Variants in LRRTM4 observed in about 807,000 individuals in gnomAD.
The protein encoded by LRRTM4 is leucine rich repeat transmembrane neuronal 4.
A neutral mutation model predicts 47.6 loss-of-function variants in LRRTM4; 25 were observed. The observed-to-expected ratio is 0.53, with a 90% CI of 0.38 to 0.73. The LOEUF is 0.73. Ranked by LOEUF, LRRTM4 falls within the 30% of genes least tolerant of loss-of-function variation. The probability of loss-of-function intolerance (pLI) is 0.00; values close to 1 mark genes in which losing one functional copy is unlikely to be tolerated. For synonymous variants in LRRTM4, 311 were observed against 269.5 expected, an observed-to-expected ratio of 1.15 and a Z score of -1.51; for missense variants, 638 against 713.4, an observed-to-expected ratio of 0.89 and a Z score of 1.20.
Position 77,039,716 on chromosome 2 carries a change from T to C in LRRTM4, c.1552-290800A>G, listed in dbSNP as rs140522654. 3.7e-3 allele frequency among the ~76,000 whole-genome samples: 561 copies of C among 151,420 alleles called. 3 individuals are homozygous for C. The highest frequency in any genetic ancestry group is 0.017 in the Middle Eastern group (5 of 292). On this transcript the variant is annotated intron_variant, in intron 3 of 3. Transcript: ENST00000409884. Reference sequence around the variant, plus strand: ...CAGATTAGATCCTTACATTAGAATGTTCCCTTTTTTCATGTTAGTCATTTC... The same window carrying C: ...CAGATTAGATCCTTACATTAGAATGCTCCCTTTTTTCATGTTAGTCATTTC...
intron 3 of LRRTM4, among the ~76,000 whole-genome samples, chr2:76,995,181 A>C (rs1185190327): frequency 6.6e-6 from 1 of 152,070 alleles, no homozygotes; most frequent in Non-Finnish European, 1.5e-5. Context: ...TTACGAATGG[A>C]AAGAGCTACC....
chr2:77,307,567 TATAGATATATCTATATA>T (rs1677319003), intron 3 of LRRTM4, among the ~76,000 whole-genome samples: 1 of 132,806 alleles, frequency 7.5e-6, no homozygotes, highest in Non-Finnish European at 1.6e-5. Flanking sequence ...AATATAAATA[TATAGATATATCTATATA>T]TTATAGAAAT....
chr2:77,073,272 C>T (rs1197029982), intron 3 of LRRTM4, among the ~76,000 whole-genome samples: 3 of 151,544 alleles, frequency 2.0e-5, no homozygotes, highest in Non-Finnish European at 4.4e-5. Flanking sequence ...TAAAATATTA[C>T]TTTAGAATTC....
intron 3 of LRRTM4, among the ~76,000 whole-genome samples, chr2:77,323,104 A>G (rs1670603369): frequency 1.3e-5 from 2 of 151,990 alleles, no homozygotes; most frequent in Admixed American, 1.3e-4. Context: ...TGATTATGAT[A>G]CACCTGGCTC....
intron 3 of LRRTM4, among the ~76,000 whole-genome samples, chr2:77,313,547 G>A (rs1000646705): frequency 3.9e-5 from 6 of 152,078 alleles, no homozygotes; most frequent in Admixed American, 6.5e-5. Context: ...GTGCTATGAC[G>A]TGCCTCCCTA....
At chr2:77,380,530 C>T (rs1261991894) in intron 3 of LRRTM4, among the ~76,000 whole-genome samples, 1 of 152,184 alleles carries the variant, frequency 6.6e-6, no homozygotes, top group Non-Finnish European at 1.5e-5. Context: ...GGTGTGGTGG[C>T]TCATGCCTGT....
At chr2:76,781,451 T>C (rs1289342881) in intron 3 of LRRTM4, among the ~76,000 whole-genome samples, 2 of 152,238 alleles carry the variant, frequency 1.3e-5, no homozygotes, top group Admixed American at 6.5e-5. Flanking sequence ...CATATAATCT[T>C]GTGGTGGGCC....
chr2:77,103,440 A>G (rs532000129), intron 3 of LRRTM4, among the ~76,000 whole-genome samples: 1 of 152,250 alleles, frequency 6.6e-6, no homozygotes, highest in South Asian at 2.1e-4. Flanking sequence ...CCATAGTGTG[A>G]AAAACAGCCA....
intron 3 of LRRTM4, among the ~76,000 whole-genome samples, chr2:76,888,969 A>T (rs1410798015): frequency 1.3e-5 from 2 of 151,902 alleles, no homozygotes; most frequent in Non-Finnish European, 3.0e-5. Context: ...ATATTTCAAC[A>T]AATAGCTTTG....
At chr2:76,864,612 A>G (rs1368547869) in intron 3 of LRRTM4, among the ~76,000 whole-genome samples, 1 of 150,290 alleles carries the variant, frequency 6.7e-6, no homozygotes, top group Non-Finnish European at 1.5e-5. Flanking sequence ...GTGAGCCGAG[A>G]TTGTGCCATT....
chr2:76,978,448 G>C (rs947136844), intron 3 of LRRTM4, among the ~76,000 whole-genome samples: 3 of 151,984 alleles, frequency 2.0e-5, no homozygotes, highest in African/African-American at 7.2e-5. Flanking sequence ...TTTTTACAAT[G>C]TTCTCCTTGC....
chr2:77,016,351 G>A (rs946348295), intron 3 of LRRTM4, among the ~76,000 whole-genome samples: 2 of 149,014 alleles, frequency 1.3e-5, no homozygotes, highest in African/African-American at 5.0e-5. Flanking sequence ...GCGCCACTGT[G>A]TCCAGCCTGG....
chr2:77,291,348 A>G (rs1676817153), intron 3 of LRRTM4, among the ~76,000 whole-genome samples: 1 of 152,096 alleles, frequency 6.6e-6, no homozygotes, highest in Non-Finnish European at 1.5e-5. Context: ...AAAGTGAGAA[A>G]TCAACAAAGA....
At chr2:77,384,223 G>T (rs1030620474) in intron 3 of LRRTM4, among the ~76,000 whole-genome samples, 2 of 146,516 alleles carry the variant, frequency 1.4e-5, no homozygotes, top group Admixed American at 1.4e-4. Flanking sequence ...GGTAGATAAA[G>T]TTTTTTTTTT....
intron 3 of LRRTM4, among the ~76,000 whole-genome samples, chr2:77,343,264 C>T (rs952788763): frequency 3.9e-5 from 6 of 151,904 alleles, no homozygotes; most frequent in African/African-American, 1.2e-4. Flanking sequence ...ACACATGCTA[C>T]AAAACAGTTC....
At chr2:77,092,613 C>T (rs1381834175) in intron 3 of LRRTM4, among the ~76,000 whole-genome samples, 2 of 146,110 alleles carry the variant, frequency 1.4e-5, no homozygotes, top group African/African-American at 2.7e-5. Context: ...CTTTACTCAA[C>T]ATGCCCCGAG....
chr2:77,030,096 A>C (rs1678600666), intron 3 of LRRTM4, among the ~76,000 whole-genome samples: 1 of 152,220 alleles, frequency 6.6e-6, no homozygotes, highest in Non-Finnish European at 1.5e-5. Context: ...ACTTTTACAC[A>C]AGTTCCAATT....
rs563144681 is a variant in LRRTM4 at position 76,748,605 on chromosome 2, G to C, written c.*90C>G. ...TTTAACAGGAACGATGAGCTTGCTC[G>C]ATTGCGCGATTGTGGACACCCATTC... On this transcript the variant is annotated 3_prime_UTR_variant, in exon 4 of 4. Coordinates refer to ENST00000409884, the MANE Select transcript of LRRTM4 (RefSeq NM_001134745.3). 7 of 1,008,130 alleles carry C rather than the reference G, an allele frequency of 6.9e-6. No individual in the cohort carries two copies. The East Asian group carries it at 1.7e-4, about 24-fold the overall frequency. The allele number at this position is 1,008,130 out of a possible 1,614,324, so 62.4% of individuals were successfully genotyped here.
intron 3 of LRRTM4, among the ~76,000 whole-genome samples, chr2:77,492,486 T>C (rs1282680127): frequency 1.3e-5 from 2 of 152,132 alleles, no homozygotes; most frequent in South Asian, 4.1e-4. Context: ...CTTGAACTCC[T>C]GGCCTCAAGA....
Sources: gnomAD v4.1 joint callset for allele counts (sites outside exome capture counted in the v4.1 genomes callset) on GRCh38, gnomAD v4.1.1 for gene constraint, MANE v1.5 for transcripts, NCBI Gene and HGNC (gene_info 2026-07-23, HGNC 2026-07-21) for gene names.